The following SRRM2 variants were observed in gnomAD, a reference collection of about 807,000 sequenced individuals.
SRRM2 encodes serine/arginine repetitive matrix 2.
A neutral mutation model predicts 213.8 loss-of-function variants in SRRM2; 30 were observed. The ratio of observed to expected loss-of-function variants is 0.14; its 90% CI spans 0.10 to 0.19. The LOEUF is 0.19. Among genes scored for constraint, SRRM2 ranks in the 10% least tolerant of loss-of-function variants. The probability of loss-of-function intolerance (pLI) is 1.00; values close to 1 mark genes in which losing one functional copy is unlikely to be tolerated. For missense variants in SRRM2, 4,904 were observed against 3,647.0 expected (o/e 1.34, Z -8.88); for synonymous variants, 2,025 against 1,377.7 (o/e 1.47, Z -10.40).
At position 2,756,620 on chromosome 16, in the gene SRRM2, G is replaced by C. The variant is rs770479163; in HGVS notation, c.242+14G>C. On this transcript the variant is annotated intron_variant, in intron 2 of 14. Coordinates refer to ENST00000301740, the MANE Select transcript of SRRM2 (RefSeq NM_016333.4). ...GGAAGAGCAGGGGTGAGGGAGAGCTGGGGGAGAGTCAAGCACTGAATGAGT... is the reference window on the plus strand; with the variant it reads ...GGAAGAGCAGGGGTGAGGGAGAGCTCGGGGAGAGTCAAGCACTGAATGAGT... 6.2e-7 allele frequency: 1 copy of C among 1,606,130 alleles called. No individual in the cohort carries two copies. Among genetic ancestry groups the C allele is most frequent in the Non-Finnish European group, 8.5e-7 (1 of 1,175,860 alleles).
In SRRM2 at chr16:2,768,159, C is replaced by G; in HGVS notation, c.7631C>G (p.Ser2544Cys). ...TCGTCGTCGTCCTCTAGCTCCTCCT[C>G]TTCTTCATCATCGTCGTCGTCGTCC... ...SSSSSSSSSSSSSSSSSSSSS... is the reference protein window; with the variant it reads ...SSSSSSSSSSCSSSSSSSSSS... The change falls in exon 11 of 15, where the codon TCT (serine) becomes TGT (cysteine). Residue 2544 changes from serine (S) to cysteine (C), a missense_variant. Ser to Cys is a moderately radical substitution (Grantham distance 112). Transcript: ENST00000301740. 1 of 1,610,832 alleles carries G rather than the reference C, an allele frequency of 6.2e-7. No individual in the cohort carries two copies. Among genetic ancestry groups the G allele is most frequent in the Non-Finnish European group, 8.5e-7 (1 of 1,177,112 alleles).
intron 1 of SRRM2, chr16:2,753,719 C>T (rs1383913548): frequency 1.3e-5 from 2 of 152,182 alleles, no homozygotes; most frequent in African/African-American, 4.8e-5. Flanking sequence ...TAGGACGAAT[C>T]TGGATCAGAA....
Position 2,764,123 on chromosome 16 carries a change from T to G in SRRM2, c.3595T>G (p.Ser1199Ala). 1 of 1,614,154 alleles carries G rather than the reference T, an allele frequency of 6.2e-7. No homozygotes were observed. Among genetic ancestry groups the G allele is most frequent in the Non-Finnish European group, 8.5e-7 (1 of 1,180,042 alleles). ...PFPVQDRPES[S>A]LVFKDTLRTP... ...TCCAGTACAGGATAGGCCTGAGTCT[T>G]CACTGGTATTCAAAGACACACTTAG... The change falls in exon 11 of 15, where the codon TCA (serine) becomes GCA (alanine). Residue 1199 changes from serine to alanine, a missense_variant. By Grantham distance (99) the Ser-to-Ala change is moderately conservative. Coordinates refer to ENST00000301740, the MANE Select transcript of SRRM2 (RefSeq NM_016333.4).
At chr16:2,755,976 CA>C (rs2068126625) in intron 1 of SRRM2, among the ~76,000 whole-genome samples, 1 of 151,858 alleles carries the variant, frequency 6.6e-6, no homozygotes, top group Admixed American at 6.6e-5. Context: ...ATTTTGGGGC[CA>C]AAGGAGAACA....
At chr16:2,757,642 G>A (rs1685024897) in intron 3 of SRRM2, 63 bp downstream of exon 3, 3 of 1,584,756 alleles carry the variant, frequency 1.9e-6, no homozygotes, top group Non-Finnish European at 2.6e-6. Flanking sequence ...TGCTGCTGCT[G>A]TCCTTTTCCT....
rs2068488490 is a variant in SRRM2, at chr16:2,764,965, A to C, written c.4437A>C (p.Glu1479Asp). ...GAACGCCATCTAGAGGGAGAAGCGA[A>C]TGTGATTCTTCCCCAGAACCGAAAG... ...IPRTPSRGRS[E>D]CDSSPEPKAL... The change falls in exon 11 of 15, where the codon GAA (glutamate) becomes GAC (aspartate). Residue 1479 changes from glutamate (E) to aspartate (D), a missense_variant. By Grantham distance (45) the Glu-to-Asp change is conservative (BLOSUM62 2). Coordinates refer to ENST00000301740, the MANE Select transcript of SRRM2 (RefSeq NM_016333.4). The C allele has an allele frequency of 6.2e-6, 10 of 1,614,004 alleles. No homozygotes were observed. Among genetic ancestry groups the C allele is most frequent in the Non-Finnish European group, 8.5e-6 (10 of 1,180,030 alleles).
chr16:2,755,547 ATTG>A (rs1596259328), intron 1 of SRRM2, among the ~76,000 whole-genome samples: 1 of 152,174 alleles, frequency 6.6e-6, no homozygotes, highest in Non-Finnish European at 1.5e-5. Context: ...GGAACTGCAA[ATTG>A]TTGTAAATCC....
chr16:2,771,097 G>GGGGGGGGC lies in SRRM2; in HGVS notation c.*230_*231insGGGGGGGC. 3.0e-6 allele frequency: 1 copy of GGGGGGGGC among 336,636 alleles called. No individual in the cohort carries two copies. The highest frequency in any genetic ancestry group is 8.0e-5 in the East Asian group (1 of 12,578). The allele number at this position is 336,636 out of a possible 1,614,324, so 20.9% of individuals were successfully genotyped here. On this transcript the variant is annotated 3_prime_UTR_variant, in exon 15 of 15. Transcript: ENST00000301740. ...GTTCTGGGGGGTTTGGGGTGGGAGG[G>GGGGGGGGC]AATGCAGATGGGAGTTGGGGGAGGG...
At chr16:2,753,771 T>C (rs1185327489) in intron 1 of SRRM2, 2 of 152,226 alleles carry the variant, frequency 1.3e-5, no homozygotes, top group Non-Finnish European at 2.9e-5. Flanking sequence ...GTGCGTGGGC[T>C]TAGGGCTCTT....
At chr16:2,757,691 A>T in intron 3 of SRRM2, 90 bp from the exon 4 acceptor site, 1 of 1,583,218 alleles carries the variant, frequency 6.3e-7, no homozygotes, top group South Asian at 1.1e-5. Flanking sequence ...TGCCTTTCCC[A>T]TGCCTTATTT....
Position 2,761,681 on chromosome 16 carries a change from C to A in SRRM2, c.1153C>A (p.Pro385Thr). ...CTCCCCACAACCCCTTGCAACCACC[C>A]CCTTAAGCCAGGAGCCAGTGAACCC... ...GGSPQPLATT[P>T]LSQEPVNPPS... Residue 385 changes from proline to threonine, a missense_variant, in exon 11 of 15, where the codon CCC becomes ACC. Transcript: ENST00000301740. The A allele has an allele frequency of 6.2e-7, 1 of 1,601,546 alleles. No homozygotes were observed. The highest frequency in any genetic ancestry group is 8.5e-7 in the Non-Finnish European group (1 of 1,173,940).
At position 2,771,300 on chromosome 16, in the gene SRRM2, G is replaced by A. The variant is rs748417915; in HGVS notation, c.*433G>A. On this transcript the variant is annotated 3_prime_UTR_variant, in exon 15 of 15. Coordinates refer to ENST00000301740, the MANE Select transcript of SRRM2 (RefSeq NM_016333.4). ...AGTTGGTCCCTACTGTCCCCCATGA[G>A]GTTGTGAACCCCTCCCCCCAACTTT... is the stretch of plus-strand genomic sequence containing the variant. The A allele has an allele frequency of 1.9e-6, 2 of 1,032,652 alleles. No homozygotes were observed. The highest frequency in any genetic ancestry group is 2.4e-5 in the East Asian group (1 of 41,552). The allele number at this position is 1,032,652 out of a possible 1,614,324, so 64.0% of individuals were successfully genotyped here.
Position 2,757,809 on chromosome 16 carries a change from T to G in SRRM2, c.379T>G (p.Leu127Val). The G allele has an allele frequency of 6.2e-7, 1 of 1,614,136 alleles. No individual in the cohort carries two copies. The highest frequency in any genetic ancestry group is 8.5e-7 in the Non-Finnish European group (1 of 1,180,010). ...AVTETHQLAELNEKKNERLRA... is the reference protein window; with the variant it reads ...AVTETHQLAEVNEKKNERLRA... The stretch of plus-strand genomic sequence containing the variant: ...CACGGAGACTCACCAGTTGGCAGAA[T>G]TAAATGAGAAGAAGAATGAAAGACT... The change falls in exon 4 of 15, where the codon TTA (leucine) becomes GTA (valine). Residue 127 changes from leucine (L) to valine (V), a missense_variant. Leu to Val is a conservative substitution (Grantham distance 32). Transcript: ENST00000301740.
Position 2,770,644 on chromosome 16 carries a change from GA to G in SRRM2, c.8177del (p.Asp2726AlafsTer19), listed in dbSNP as rs1271506175. On this transcript the variant is annotated frameshift_variant, in exon 14 of 15. Transcript: ENST00000301740. LOFTEE classifies it high-confidence loss of function. ...GGGTTCCCGGAGAGGCCAGCGTGGG[GA>G]CAGCCGCTCCCCCAGCCACAAGCGC... ...ERGSRRGQRG[D>X]SRSPSHKRRR... The G allele has an allele frequency of 1.3e-6, 2 of 1,552,414 alleles. No individual in the cohort carries two copies. The highest frequency in any genetic ancestry group is 1.7e-6 in the Non-Finnish European group (2 of 1,147,792).
intron 9 of SRRM2, chr16:2,759,937 C>A: frequency 1.9e-6 from 1 of 524,636 alleles, no homozygotes; most frequent in Non-Finnish European, 3.4e-6. Context: ...TTCGTGGTGT[C>A]TGGGGGAGGA....
In SRRM2 at chr16:2,766,527, C is replaced by T. The variant is rs1487102802; in HGVS notation, c.5999C>T (p.Pro2000Leu). 1.2e-6 allele frequency: 2 copies of T among 1,614,074 alleles called. No individual in the cohort carries two copies. Among genetic ancestry groups the T allele is most frequent in the East Asian group, 2.2e-5 (1 of 44,892 alleles). The part of the protein sequence containing the change: ...TRRRSRSRTS[P>L]VTRRRSRSRT... ...AGGAGATCTCGATCTCGCACATCTC[C>T]AGTAACTCGAAGAAGGTCCCGCTCT... Residue 2000 changes from proline to leucine, a missense_variant, in exon 11 of 15, where the codon CCA becomes CTA. Coordinates refer to ENST00000301740, the MANE Select transcript of SRRM2 (RefSeq NM_016333.4). This position sits in a 1 kb window ranked among gnomAD's most constrained non-coding sequence, Gnocchi z 7.0.
Position 2,767,726 on chromosome 16 carries a change from C to G in SRRM2, c.7198C>G (p.Pro2400Ala). 1 of 1,613,914 alleles carries G rather than the reference C, an allele frequency of 6.2e-7. No individual in the cohort carries two copies. ...GCGTGTCAGTGGCAGAACCTCACCA[C>G]CGCTCCTTGACCGAGCTAGGTCCAG... ...YERVSGRTSP[P>A]LLDRARSRTP... Residue 2400 changes from proline to alanine, a missense_variant, in exon 11 of 15, where the codon CCG becomes GCG. By Grantham distance (27) the Pro-to-Ala change is conservative. Coordinates refer to ENST00000301740, the MANE Select transcript of SRRM2 (RefSeq NM_016333.4).
chr16:2,761,717 G>A lies in SRRM2; in HGVS notation c.1189G>A (p.Ala397Thr), dbSNP rs765172561. Residue 397 changes from alanine (A) to threonine (T), a missense_variant, in exon 11 of 15, where the codon GCC (alanine) becomes ACC (threonine). Transcript: ENST00000301740. Reference protein sequence around the residue: ...SQEPVNPPSEASPTRDRSPPK... With the variant: ...SQEPVNPPSETSPTRDRSPPK... ...GGAGCCAGTGAACCCCCCATCTGAG[G>A]CCTCTCCAACTCGGGACCGTTCACC... 6.8e-6 allele frequency: 11 copies of A among 1,607,092 alleles called. 1 individual carries two copies. The highest frequency in any genetic ancestry group is 2.2e-5 in the South Asian group (2 of 90,084).
At chr16:2,768,379 T>TTG (rs2068619181) in intron 11 of SRRM2, 118 bp downstream of exon 11, 5 of 1,187,320 alleles carry the variant, frequency 4.2e-6, no homozygotes, top group Non-Finnish European at 5.8e-6. Context: ...TATGGGGACC[T>TTG]TGACCCTCAA....
Sources: gnomAD v4.1 joint callset for allele counts (sites outside exome capture counted in the v4.1 genomes callset) on GRCh38, gnomAD v4.1.1 for gene constraint, Gnocchi (gnomAD v3.1) non-coding constraint, MANE v1.5 for transcripts, NCBI Gene and HGNC (gene_info 2026-07-23, HGNC 2026-07-21) for gene names.